The following DCC variants were observed in gnomAD, a reference collection of about 807,000 sequenced individuals.
DCC encodes the protein netrin receptor DCC.
In DCC, 58 loss-of-function variants were observed where a neutral mutation model predicts 172.5. The ratio of observed to expected loss-of-function variants is 0.34; its 90% confidence interval spans 0.27 to 0.42. DCC has a LOEUF of 0.42. DCC is among the 10% of genes least tolerant of loss of function. The pLI, the probability that DCC is intolerant of heterozygous loss-of-function variation, is 1.00. For synonymous variants in DCC, 709 were observed against 644.5 expected (o/e 1.10, Z -1.52); for missense variants, 1,740 against 1,791.0 (o/e 0.97, Z 0.51).
At chr18:53,312,860 C>T (rs950662666) in intron 13 of DCC, among the ~76,000 whole-genome samples, 5 of 138,458 alleles carry the variant, frequency 3.6e-5, no homozygotes, top group Non-Finnish European at 7.7e-5. Context: ...CTTTACTCCA[C>T]CTCCAATGAA....
chr18:52,783,323 C>CTTTT lies in DCC; in HGVS notation c.412+30984_412+30987dup, dbSNP rs374129823. 2.3e-3 allele frequency among the ~76,000 whole-genome samples: 139 copies of CTTTT among 59,254 alleles called. 21 individuals carry two copies. The highest frequency in any genetic ancestry group is 9.1e-3 in the Middle Eastern group (1 of 110). 38.9% of individuals were successfully genotyped at this position (59,254 alleles called of 152,430 possible). ...ACTAAAAATAATTTATACTACTACT[C>CTTTT]TTTTTTTTTTTTTTTTTTTTTTTTT... On this transcript the variant is annotated intron_variant, in intron 2 of 28. Coordinates refer to ENST00000442544, the MANE Select transcript of DCC (RefSeq NM_005215.4).
At chr18:52,677,768 G>T (rs1165337570) in intron 1 of DCC, among the ~76,000 whole-genome samples, 2 of 152,078 alleles carry the variant, frequency 1.3e-5, no homozygotes, top group African/African-American at 4.8e-5. Flanking sequence ...GCCACACTCT[G>T]TTGTTTTTGA....
At chr18:52,851,279 T>C (rs1445797747) in intron 2 of DCC, among the ~76,000 whole-genome samples, 3 of 152,148 alleles carry the variant, frequency 2.0e-5, no homozygotes, top group African/African-American at 2.4e-5. Context: ...TATTCAATTT[T>C]AGTCAAATTT....
chr18:52,768,854 A>G (rs2037295654), intron 2 of DCC, among the ~76,000 whole-genome samples: 1 of 152,214 alleles, frequency 6.6e-6, no homozygotes, highest in Non-Finnish European at 1.5e-5. Context: ...GTTTTTAGAA[A>G]GTTAGAATTA....
chr18:52,750,814 T>G (rs550707916), intron 1 of DCC, among the ~76,000 whole-genome samples: 1 of 149,952 alleles, frequency 6.7e-6, no homozygotes, highest in East Asian at 1.9e-4. Context: ...GACAGAAGAT[T>G]GGAATGATTT....
rs58025740 is a variant in DCC at position 52,757,921 on chromosome 18, T to C, written c.412+5547T>C. ...CACACTTATTCCCTTATCACTTTGC[T>C]TCTCAATCTAAGGACTAGATTTCAG... On this transcript the variant is annotated intron_variant, in intron 2 of 28. Coordinates refer to ENST00000442544, the MANE Select transcript of DCC (RefSeq NM_005215.4). 3.7e-4 allele frequency among the ~76,000 whole-genome samples: 56 copies of C among 152,284 alleles called. No individual in the cohort carries two copies. The East Asian group carries it at 0.011, about 29-fold the overall frequency.
chr18:53,213,513 T>C (rs2055790263), intron 11 of DCC, among the ~76,000 whole-genome samples: 1 of 151,738 alleles, frequency 6.6e-6, no homozygotes, highest in Non-Finnish European at 1.5e-5. Flanking sequence ...CTGGGCGTGG[T>C]GGTGGGCACC....
chr18:53,438,188 C>G (rs942773878), intron 22 of DCC, among the ~76,000 whole-genome samples: 1 of 151,962 alleles, frequency 6.6e-6, no homozygotes, highest in African/African-American at 2.4e-5. Flanking sequence ...GGAATACTAT[C>G]TATACTGGTA....
At chr18:52,427,856 C>G (rs1419918316) in intron 1 of DCC, among the ~76,000 whole-genome samples, 1 of 144,892 alleles carries the variant, frequency 6.9e-6, no homozygotes, top group Non-Finnish European at 1.5e-5. Flanking sequence ...TCCTTCCTTC[C>G]TTCCTTCCTT....
chr18:52,954,996 A>G lies in DCC; in HGVS notation c.985+29626A>G, dbSNP rs530439310. 3.3e-5 allele frequency among the ~76,000 whole-genome samples: 5 copies of G among 152,232 alleles called. No homozygotes were observed. The South Asian group carries it at 8.3e-4, about 25-fold the overall frequency. On this transcript the variant is annotated intron_variant, in intron 5 of 28. Coordinates refer to ENST00000442544, the MANE Select transcript of DCC (RefSeq NM_005215.4). The stretch of plus-strand genomic sequence containing the variant: ...TCATACATGCACATCCTTCCTCACT[A>G]TGACCATCCCACGCCTCAATGATGC...
At chr18:52,577,829 T>G (rs2033451853) in intron 1 of DCC, among the ~76,000 whole-genome samples, 1 of 152,166 alleles carries the variant, frequency 6.6e-6, no homozygotes, top group African/African-American at 2.4e-5. Context: ...AATGGGAGGC[T>G]AGGAAAGGGA....
chr18:53,280,100 A>C (rs7239818), intron 12 of DCC, among the ~76,000 whole-genome samples: 2 of 151,926 alleles, frequency 1.3e-5, no homozygotes, highest in African/African-American at 4.8e-5. Flanking sequence ...AAAGTTTTTT[A>C]AAAAAAATCC....
At chr18:53,412,036 C>T (rs1910016993) in intron 20 of DCC, among the ~76,000 whole-genome samples, 2 of 152,130 alleles carry the variant, frequency 1.3e-5, no homozygotes, top group African/African-American at 4.8e-5. Context: ...ATGTGTTAAA[C>T]AGCAGAGTGA....
rs138144679 is a variant in DCC at position 53,339,866 on chromosome 18, G to A, written c.2318G>A (p.Arg773His). The change falls in exon 15 of 29, where the codon CGT becomes CAT. Residue 773 changes from arginine (R) to histidine (H), a missense_variant. Transcript: ENST00000442544. ...GVGSPYAETVRVDSKQRYYSI... is the reference protein window; with the variant it reads ...GVGSPYAETVHVDSKQRYYSI... The stretch of plus-strand genomic sequence containing the variant: ...GGGAGCCCTTACGCTGAGACAGTGC[G>A]TGTGGACAGCAAGCAGCGATATTAT... 3.5e-5 allele frequency: 57 copies of A among 1,613,872 alleles called. No individual in the cohort carries two copies. The East Asian group carries it at 8.9e-4, about 25-fold the overall frequency.
intron 20 of DCC, 51 bp from the exon 21 acceptor site, chr18:53,416,073 C>T: frequency 1.4e-6 from 2 of 1,418,908 alleles, no homozygotes; most frequent in Non-Finnish European, 2.0e-6. Context: ...TGTCAGCTTT[C>T]TTGCTAGGAA....
chr18:52,433,281 GA>G (rs1190095433), intron 1 of DCC, among the ~76,000 whole-genome samples: 1 of 152,078 alleles, frequency 6.6e-6, no homozygotes, highest in Non-Finnish European at 1.5e-5. Context: ...AATCATGTTT[GA>G]ATTTATTAAT....
chr18:52,901,277 A>T (rs1320556481), intron 2 of DCC, among the ~76,000 whole-genome samples: 2 of 152,046 alleles, frequency 1.3e-5, no homozygotes, highest in Admixed American at 6.6e-5. Flanking sequence ...TACTGAAAAT[A>T]CAAAAATTAG....
At chr18:52,497,365 A>G (rs1172850990) in intron 1 of DCC, among the ~76,000 whole-genome samples, 1 of 116,906 alleles carries the variant, frequency 8.6e-6, no homozygotes, top group African/African-American at 3.4e-5. Flanking sequence ...ACACACATAT[A>G]CATATGTGTA....
chr18:52,935,908 A>G (rs1221202350), intron 5 of DCC, among the ~76,000 whole-genome samples: 2 of 152,272 alleles, frequency 1.3e-5, no homozygotes, highest in South Asian at 2.1e-4. Context: ...TAAATTTTAC[A>G]TATATCTGTA....
Sources: gnomAD v4.1 joint callset for allele counts (sites outside exome capture counted in the v4.1 genomes callset) on GRCh38, gnomAD v4.1.1 for gene constraint, MANE v1.5 for transcripts, NCBI Gene and HGNC (gene_info 2026-07-23, HGNC 2026-07-21) for gene names.